The following TCF12 variants were observed in gnomAD, a reference collection of about 807,000 sequenced individuals.
TCF12 encodes DNA-binding protein HTF4.
A neutral mutation model predicts 86.0 loss-of-function variants in TCF12; 45 were observed. The ratio of observed to expected loss-of-function variants is 0.52; its 90% CI spans 0.41 to 0.67. The LOEUF is 0.67. Among genes scored for constraint, TCF12 ranks in the 30% least tolerant of loss-of-function variants. TCF12 has a pLI of 0.00. For synonymous variants in TCF12, 330 were observed against 299.6 expected (o/e 1.10, Z -1.05); for missense variants, 881 against 859.9 (o/e 1.02, Z -0.31).
At chr15:57,200,398 A>C (rs1274544737) in intron 8 of TCF12, among the ~76,000 whole-genome samples, 1 of 152,188 alleles carries the variant, frequency 6.6e-6, no homozygotes, top group Non-Finnish European at 1.5e-5. Flanking sequence ...ATTGAAAAAT[A>C]TGCAAACTAT....
intron 3 of TCF12, among the ~76,000 whole-genome samples, chr15:56,937,260 T>G (rs543451744): frequency 6.6e-6 from 1 of 152,310 alleles, no homozygotes; most frequent in African/African-American, 2.4e-5. Flanking sequence ...GTTCTTGATT[T>G]GATTATCAGT....
At chr15:57,121,361 A>G (rs770241740) in intron 5 of TCF12, among the ~76,000 whole-genome samples, 1 of 152,222 alleles carries the variant, frequency 6.6e-6, no homozygotes, top group Non-Finnish European at 1.5e-5. Context: ...TTTGAACAAT[A>G]GTGTTTGCCA....
intron 3 of TCF12, among the ~76,000 whole-genome samples, chr15:56,957,710 ACTTTTTT>A (rs2061558404): frequency 6.6e-6 from 1 of 152,036 alleles, no homozygotes; most frequent in Non-Finnish European, 1.5e-5. Context: ...TATGGTTTAT[ACTTTTTT>A]CTTTTTTATC....
At chr15:56,962,557 A>G (rs2061812904) in intron 3 of TCF12, among the ~76,000 whole-genome samples, 1 of 152,222 alleles carries the variant, frequency 6.6e-6, no homozygotes, top group Admixed American at 6.5e-5. Context: ...GAAAAAGACT[A>G]GAATGTAATT....
chr15:57,076,459 C>T (rs2070050297), intron 4 of TCF12, among the ~76,000 whole-genome samples: 1 of 151,954 alleles, frequency 6.6e-6, no homozygotes, highest in South Asian at 2.1e-4. Context: ...TCAAGACCAT[C>T]CTGGCTAACA....
chr15:57,270,104 G>A (rs1241803259), intron 18 of TCF12, among the ~76,000 whole-genome samples: 1 of 152,184 alleles, frequency 6.6e-6, no homozygotes, highest in African/African-American at 2.4e-5. Flanking sequence ...ATGTTGACCT[G>A]CCTTGCTAGG....
intron 3 of TCF12, among the ~76,000 whole-genome samples, chr15:57,029,916 T>C (rs1176611569): frequency 2.0e-5 from 3 of 152,230 alleles, no homozygotes; most frequent in African/African-American, 7.2e-5. Context: ...AGTAGTTTCT[T>C]TTCTTTTATT....
intron 5 of TCF12, chr15:57,118,400 C>T (rs1456912317): frequency 6.6e-6 from 1 of 152,180 alleles, no homozygotes; most frequent in Non-Finnish European, 1.5e-5. Context: ...GATGAAGGTC[C>T]TCTTTTCCCT....
At chr15:57,185,881 C>A (rs1409069306) in intron 6 of TCF12, among the ~76,000 whole-genome samples, 1 of 151,702 alleles carries the variant, frequency 6.6e-6, no homozygotes, top group Admixed American at 6.6e-5. Context: ...ACTCCTGTGT[C>A]AAAAAGCAAA....
intron 5 of TCF12, among the ~76,000 whole-genome samples, chr15:57,163,031 G>A (rs895008420): frequency 4.6e-5 from 7 of 151,924 alleles, no homozygotes; most frequent in South Asian, 2.1e-4. Flanking sequence ...AAAATTTGCC[G>A]GGTGTGGTGG....
intron 8 of TCF12, among the ~76,000 whole-genome samples, chr15:57,223,643 G>GTTTTTTGTTTTTTT (rs1456806093): frequency 4.3e-5 from 3 of 69,668 alleles, no homozygotes; most frequent in Non-Finnish European, 5.6e-5. Context: ...TACCAATGAG[G>GTTTTTTGTTTTTTT]TTTTTTTTTT....
At chr15:57,119,443 G>A (rs887880957) in intron 5 of TCF12, among the ~76,000 whole-genome samples, 3 of 148,668 alleles carry the variant, frequency 2.0e-5, no homozygotes, top group South Asian at 4.3e-4. Context: ...ATGAGCCACC[G>A]TACCCGGTCC....
chr15:57,244,445 G>A (rs984472629), intron 13 of TCF12, among the ~76,000 whole-genome samples: 1 of 152,016 alleles, frequency 6.6e-6, no homozygotes, highest in African/African-American at 2.4e-5. Context: ...TGTTAGTGGA[G>A]ATAAGTGGTT....
Position 57,120,202 on chromosome 15 carries a change from G to A in TCF12, c.325+28311G>A, listed in dbSNP as rs565873066. ...TAATGGAAGCATTTATGACTTTGCC[G>A]TCCTGGAGTTTTCAACCCATGCTTG... On this transcript the variant is annotated intron_variant, in intron 5 of 20. Coordinates refer to ENST00000333725, the MANE Select transcript of TCF12 (RefSeq NM_207037.2). Among the ~76,000 whole-genome samples, 241 of 152,274 alleles carry A rather than the reference G, an allele frequency of 1.6e-3. 1 individual carries two copies. The highest frequency in any genetic ancestry group is 5.5e-3 in the African/African-American group (228 of 41,546).
intron 3 of TCF12, among the ~76,000 whole-genome samples, chr15:57,059,748 AG>A (rs1671595081): frequency 9.5e-5 from 1 of 10,492 alleles, no homozygotes; most frequent in Non-Finnish European, 1.9e-4. Context: ...GGCTGGGGGG[AG>A]GGTGGAGGGA....
chr15:57,039,078 G>A (rs2066712854), intron 3 of TCF12, among the ~76,000 whole-genome samples: 1 of 152,120 alleles, frequency 6.6e-6, no homozygotes, highest in South Asian at 2.1e-4. Context: ...AGACTGCTTG[G>A]TGTATCTCCA....
chr15:57,110,214 G>A (rs756416918), intron 5 of TCF12, among the ~76,000 whole-genome samples: 32 of 152,126 alleles, frequency 2.1e-4, no homozygotes, highest in Non-Finnish European at 4.0e-4. Flanking sequence ...CAATAAGAAA[G>A]ATTTAATTAA....
chr15:57,156,665 C>G (rs1457075957), intron 5 of TCF12, among the ~76,000 whole-genome samples: 1 of 152,178 alleles, frequency 6.6e-6, no homozygotes, highest in Non-Finnish European at 1.5e-5. Flanking sequence ...GAATCTGTCC[C>G]TGGCACGCAA....
chr15:56,987,056 A>T (rs2566843), intron 3 of TCF12, among the ~76,000 whole-genome samples: 9,524 of 152,124 alleles, frequency 0.063, 693 homozygotes, highest in African/African-American at 0.18. Context: ...TTGAATTTTG[A>T]TATCTACTTG....
Sources: gnomAD v4.1 joint callset for allele counts (sites outside exome capture counted in the v4.1 genomes callset) on GRCh38, gnomAD v4.1.1 for gene constraint, MANE v1.5 for transcripts, NCBI Gene and HGNC (gene_info 2026-07-23, HGNC 2026-07-21) for gene names.